Variants in KCNQ1 observed in about 807,000 individuals in gnomAD.
KCNQ1 encodes the protein potassium voltage-gated channel subfamily Q member 1, also known as potassium voltage-gated channel subfamily KQT member 1.
KCNQ1 carries 49 observed loss-of-function variants against 72.4 expected under a neutral mutation model. That is an observed-to-expected ratio of 0.68 (90% CI 0.54 to 0.86). The LOEUF is 0.86. Among genes scored for constraint, KCNQ1 ranks in the 40% least tolerant of loss-of-function variants. The pLI is 0.00. For synonymous variants in KCNQ1, 450 were observed against 412.6 expected (o/e 1.09, Z -1.10); for missense variants, 790 against 945.1 (o/e 0.84, Z 2.15).
At position 2,508,544 on chromosome 11, in the gene KCNQ1, G is replaced by T. The variant is rs1435072373; in HGVS notation, c.387-19384G>T. ...ACCAGCTGGGTGTTCGCACCTGAGAGGTTTCGGGGCAGGGTCCCAGCCTCC... is the reference window on the plus strand; with the variant it reads ...ACCAGCTGGGTGTTCGCACCTGAGATGTTTCGGGGCAGGGTCCCAGCCTCC... On this transcript the variant is annotated intron_variant, in intron 1 of 15. Coordinates refer to ENST00000155840, the MANE Select transcript of KCNQ1 (RefSeq NM_000218.3). This position sits in a 1 kb window ranked among gnomAD's most constrained non-coding sequence, Gnocchi z 6.2. 6.6e-6 allele frequency among the ~76,000 whole-genome samples: 1 copy of T among 151,978 alleles called. No homozygotes were observed. The highest frequency in any genetic ancestry group is 1.5e-5 in the Non-Finnish European group (1 of 67,974).
chr11:2,719,942 C>T lies in KCNQ1; in HGVS notation c.1515-48902C>T, dbSNP rs183814989. 1.1e-4 allele frequency among the ~76,000 whole-genome samples: 17 copies of T among 152,362 alleles called. No homozygotes were observed. In the East Asian group the frequency reaches 1.3e-3, roughly 12 times the overall value. ...CATCACAGATGTATAGCTAGGTCAG[C>T]GAACCACTCAAAAGACCCCAGGGTC... On this transcript the variant is annotated intron_variant, in intron 11 of 15. Transcript: ENST00000155840.
chr11:2,798,145 G>C (rs1847177185), intron 15 of KCNQ1, among the ~76,000 whole-genome samples: 1 of 73,606 alleles, frequency 1.4e-5, no homozygotes, highest in Non-Finnish European at 2.9e-5. Flanking sequence ...TTGTGGCCCA[G>C]GCCCAAGCAA....
rs1850667201 is a variant in KCNQ1 at position 2,695,851 on chromosome 11, AT to A, written c.1514+33774del. On this transcript the variant is annotated intron_variant, in intron 11 of 15. Transcript: ENST00000155840. The surrounding 1 kb of genome is among the most constrained non-coding windows in gnomAD (Gnocchi z 5.2). ...TCTGATAACTGATTAGCTTGGGCAA[AT>A]TTTCATCTGTTTGTTAACCCTCCTG... The A allele has an allele frequency of 2.5e-6, 1 of 398,414 alleles. No individual in the cohort carries two copies. The highest frequency in any genetic ancestry group is 4.4e-6 in the Non-Finnish European group (1 of 226,028). The allele number at this position is 398,414 out of a possible 1,614,324, so 24.7% of individuals were successfully genotyped here.
rs779506787 is a variant in KCNQ1, at chr11:2,827,931, C to T, written c.1795-19836C>T. On this transcript the variant is annotated intron_variant, in intron 15 of 15. Transcript: ENST00000155840. This position sits in a 1 kb window ranked among gnomAD's most constrained non-coding sequence, Gnocchi z 6.7. ...ACATGGAAGTGGTGAGGTCAGGGGC[C>T]GGGAACCCTATGGTGGTGTTGGCCC... 5.3e-4 allele frequency among the ~76,000 whole-genome samples: 80 copies of T among 152,150 alleles called. No homozygotes were observed. Among genetic ancestry groups the T allele is most frequent in the Non-Finnish European group, 8.1e-4 (55 of 68,024 alleles).
chr11:2,638,046 T>G (rs1329371366), intron 10 of KCNQ1: 1 of 152,210 alleles, frequency 6.6e-6, no homozygotes, highest in African/African-American at 2.4e-5. Context: ...TCTTCCTCCA[T>G]CCCTTTATTT....
chr11:2,553,423 G>A (rs924115941), intron 2 of KCNQ1, among the ~76,000 whole-genome samples: 72 of 152,124 alleles, frequency 4.7e-4, no homozygotes, highest in African/African-American at 1.7e-3. Context: ...CACTTATCAG[G>A]CCAAGAAGTT....
At chr11:2,643,774 C>T (rs990036425) in intron 10 of KCNQ1, 1 of 398,410 alleles carries the variant, frequency 2.5e-6, no homozygotes, top group African/African-American at 2.1e-5. Flanking sequence ...TTTGTAGTGC[C>T]AGTGTAGTGG....
intron 15 of KCNQ1, among the ~76,000 whole-genome samples, chr11:2,819,180 A>T (rs1305763279): frequency 2.0e-5 from 3 of 152,252 alleles, no homozygotes; most frequent in Non-Finnish European, 4.4e-5. Context: ...GTGGTAGGCC[A>T]GACAGCCAAA....
intron 15 of KCNQ1, among the ~76,000 whole-genome samples, chr11:2,845,241 C>T (rs1254443429): frequency 6.6e-6 from 1 of 152,066 alleles, no homozygotes; most frequent in Admixed American, 6.5e-5. Context: ...TTCGCCGGCT[C>T]CCTACCTGAC....
chr11:2,710,050 T>G lies in KCNQ1; in HGVS notation c.1514+47969T>G, dbSNP rs534564566. Among the ~76,000 whole-genome samples, 8 of 152,328 alleles carry G rather than the reference T, an allele frequency of 5.3e-5. No individual in the cohort carries two copies. Among genetic ancestry groups the G allele is most frequent in the Admixed American group, 5.2e-4 (8 of 15,306 alleles). On this transcript the variant is annotated intron_variant, in intron 11 of 15. Coordinates refer to ENST00000155840, the MANE Select transcript of KCNQ1 (RefSeq NM_000218.3). The surrounding 1 kb of genome is among the most constrained non-coding windows in gnomAD (Gnocchi z 4.1). ...TATGGTGACTCCATATTTAACCTTTTGAGGATCTGCCAGACTGTTTTCCAA... is the reference window on the plus strand; with the variant it reads ...TATGGTGACTCCATATTTAACCTTTGGAGGATCTGCCAGACTGTTTTCCAA...
intron 14 of KCNQ1, 22 bp downstream of exon 14, chr11:2,777,054 T>C (rs1166555268): frequency 6.2e-7 from 1 of 1,613,520 alleles, no homozygotes; most frequent in Non-Finnish European, 8.5e-7. Flanking sequence ...TGTCAGTTAC[T>C]CTGGGCCCAG....
chr11:2,451,132 C>T lies in KCNQ1; in HGVS notation c.386+5648C>T, dbSNP rs180979624. 1.6e-4 allele frequency among the ~76,000 whole-genome samples: 24 copies of T among 152,246 alleles called. No homozygotes were observed. Among genetic ancestry groups the T allele is most frequent in the Non-Finnish European group, 2.9e-4 (20 of 68,024 alleles). ...GAGCCCTTCTGCAGAAACACCGTTC[C>T]CCGTAGAGCAGCAGTCCCCAACCTT... On this transcript the variant is annotated intron_variant, in intron 1 of 15. Coordinates refer to ENST00000155840, the MANE Select transcript of KCNQ1 (RefSeq NM_000218.3). The surrounding 1 kb of genome is among the most constrained non-coding windows in gnomAD (Gnocchi z 6.4).
chr11:2,682,095 A>C lies in KCNQ1; in HGVS notation c.1514+20014A>C, dbSNP rs1009170957. 3.8e-5 allele frequency: 15 copies of C among 398,478 alleles called. No individual in the cohort carries two copies. Among genetic ancestry groups the C allele is most frequent in the African/African-American group, 2.3e-4 (11 of 48,616 alleles). 24.7% of individuals were successfully genotyped at this position (398,478 alleles called of 1,614,324 possible). On this transcript the variant is annotated intron_variant, in intron 11 of 15. Coordinates refer to ENST00000155840, the MANE Select transcript of KCNQ1 (RefSeq NM_000218.3). This position sits in a 1 kb window ranked among gnomAD's most constrained non-coding sequence, Gnocchi z 5.8. ...ATTGAGTCTAGGGCCCAGGGTCACA[A>C]AGCTAGGGAGCCGTGGATCTGCAGG...
intron 15 of KCNQ1, among the ~76,000 whole-genome samples, chr11:2,837,493 C>A (rs1225210201): frequency 6.6e-6 from 1 of 152,252 alleles, no homozygotes; most frequent in Non-Finnish European, 1.5e-5. Context: ...GAGAGGTGAC[C>A]AAGGCCCAGG....
At chr11:2,689,641 G>A (rs1201813905) in intron 11 of KCNQ1, 2 of 398,718 alleles carry the variant, frequency 5.0e-6, no homozygotes, top group Non-Finnish European at 8.8e-6. Flanking sequence ...GCCAGCAGGT[G>A]CAGAGGTCAC....
chr11:2,446,724 G>T lies in KCNQ1; in HGVS notation c.386+1240G>T, dbSNP rs1846044880. On this transcript the variant is annotated intron_variant, in intron 1 of 15. Transcript: ENST00000155840. The surrounding 1 kb of genome is among the most constrained non-coding windows in gnomAD (Gnocchi z 8.8). ...CCCTCCTCAAAGATGTGGTTGGGGG[G>T]TGATCTTGGAGACTTTTCCCCACCC... is the stretch of plus-strand genomic sequence containing the variant. Among the ~76,000 whole-genome samples, 2 of 152,192 alleles carry T rather than the reference G, an allele frequency of 1.3e-5. No individual in the cohort carries two copies.
At chr11:2,730,692 C>T (rs1845842483) in intron 11 of KCNQ1, among the ~76,000 whole-genome samples, 1 of 152,196 alleles carries the variant, frequency 6.6e-6, no homozygotes, top group African/African-American at 2.4e-5. Context: ...CTATCCAGGC[C>T]CCATTACCCT....
At position 2,567,537 on chromosome 11, in the gene KCNQ1, C is replaced by T. The variant is rs549312969; in HGVS notation, c.478-3091C>T. On this transcript the variant is annotated intron_variant, in intron 2 of 15. Transcript: ENST00000155840. The surrounding 1 kb of genome is among the most constrained non-coding windows in gnomAD (Gnocchi z 6.6). ...ACACAGCCCAGGAGAGCGTTTGAGG[C>T]TGATGGTGGTGGAGATAGTTTTATC... is the stretch of plus-strand genomic sequence containing the variant. 2.8e-4 allele frequency among the ~76,000 whole-genome samples: 43 copies of T among 152,324 alleles called. No homozygotes were observed. Among genetic ancestry groups the T allele is most frequent in the Non-Finnish European group, 5.4e-4 (37 of 68,022 alleles).
rs559333612 is a variant in KCNQ1 at position 2,698,323 on chromosome 11, G to T, written c.1514+36242G>T. 32 of 398,604 alleles carry T rather than the reference G, an allele frequency of 8.0e-5. No homozygotes were observed. Among genetic ancestry groups the T allele is most frequent in the African/African-American group, 5.5e-4 (27 of 48,734 alleles). 24.7% of individuals were successfully genotyped at this position (398,604 alleles called of 1,614,324 possible). A position where few individuals can be genotyped will look rare whatever the true frequency, so the allele number is the denominator to read the frequency against. On this transcript the variant is annotated intron_variant, in intron 11 of 15. Transcript: ENST00000155840. This position sits in a 1 kb window ranked among gnomAD's most constrained non-coding sequence, Gnocchi z 5.1. ...TCTCTTTCATAACCAGAACAGTGCT[G>T]TGGGAAGGCACTCTTACTCTCAATT... is the stretch of plus-strand genomic sequence containing the variant.
Sources: allele counts gnomAD v4.1 joint callset (sites outside exome capture counted in the v4.1 genomes callset), GRCh38; gene constraint gnomAD v4.1.1; non-coding constraint Gnocchi (gnomAD v3.1); transcripts MANE v1.5; gene names NCBI Gene and HGNC (gene_info 2026-07-23, HGNC 2026-07-21).